The following GLIS3 variants were observed in gnomAD, a reference collection of about 807,000 sequenced individuals.
GLIS3 encodes zinc finger protein GLIS3.
In GLIS3, 53 loss-of-function variants were observed where a neutral mutation model predicts 78.6. That is an observed-to-expected ratio of 0.67 (90% confidence interval 0.54 to 0.85). GLIS3 has a LOEUF of 0.85. Among genes scored for constraint, GLIS3 ranks in the 40% least tolerant of loss-of-function variants. GLIS3 has a pLI of 0.00. For missense variants in GLIS3, 1,703 were observed against 1,231.1 expected (o/e 1.38, Z -5.74); for synonymous variants, 684 against 509.9 (o/e 1.34, Z -4.60).
At chr9:4,069,702 C>T (rs1363722616) in intron 4 of GLIS3, among the ~76,000 whole-genome samples, 8 of 152,046 alleles carry the variant, frequency 5.3e-5, no homozygotes, top group African/African-American at 1.4e-4. Flanking sequence ...GTCTACAGTG[C>T]ATACTTACAG....
chr9:3,950,121 C>T (rs1475150879), intron 4 of GLIS3, among the ~76,000 whole-genome samples: 4 of 152,196 alleles, frequency 2.6e-5, no homozygotes, highest in African/African-American at 9.7e-5. Context: ...CCCACATATC[C>T]ATCTCTAATC....
chr9:4,246,173 G>C (rs1258631398), intron 2 of GLIS3, among the ~76,000 whole-genome samples: 2 of 152,152 alleles, frequency 1.3e-5, no homozygotes, highest in Non-Finnish European at 2.9e-5. Flanking sequence ...AGCCTGGACA[G>C]CATGATGAAA....
At chr9:4,183,334 T>C (rs937951492) in intron 2 of GLIS3, among the ~76,000 whole-genome samples, 2 of 152,196 alleles carry the variant, frequency 1.3e-5, no homozygotes, top group African/African-American at 4.8e-5. Flanking sequence ...GCTCAAAGGT[T>C]CTGAAAGGAA....
At chr9:4,262,426 G>A (rs1322885345) in intron 2 of GLIS3, among the ~76,000 whole-genome samples, 3 of 152,042 alleles carry the variant, frequency 2.0e-5, no homozygotes, top group African/African-American at 7.2e-5. Flanking sequence ...GCGGGATGGG[G>A]GCCCAAGAGG....
At chr9:3,929,388 T>C (rs1213994487) in intron 6 of GLIS3, among the ~76,000 whole-genome samples, 1 of 152,192 alleles carries the variant, frequency 6.6e-6, no homozygotes, top group African/African-American at 2.4e-5. Context: ...AATGTTTAGC[T>C]GGGATTTCAG....
Position 3,825,934 on chromosome 9 carries a change from GC to G in GLIS3, c.*2337del, listed in dbSNP as rs2129890998. On this transcript the variant is annotated 3_prime_UTR_variant, in exon 11 of 11. Transcript: ENST00000381971. The stretch of plus-strand genomic sequence containing the variant: ...GGCTGCAGGTGCCTCTATTGCTTAC[GC>G]CCTCTTTAGAGTCCCTCTTGCCCCT... 6.6e-6 allele frequency: 1 copy of G among 152,298 alleles called. No homozygotes were observed. Among genetic ancestry groups the G allele is most frequent in the Non-Finnish European group, 1.5e-5 (1 of 68,038 alleles). The allele number at this position is 152,298 out of a possible 1,614,324, so 9.4% of individuals were successfully genotyped here.
At chr9:3,937,305 A>C in intron 4 of GLIS3, 116 bp from the exon 5 acceptor site, 1 of 1,024,990 alleles carries the variant, frequency 9.8e-7, no homozygotes, top group Non-Finnish European at 1.5e-6. Context: ...ATAAAATAAA[A>C]TCAAATCCAA....
At chr9:4,006,663 A>G (rs996641658) in intron 4 of GLIS3, among the ~76,000 whole-genome samples, 7 of 152,218 alleles carry the variant, frequency 4.6e-5, no homozygotes, top group African/African-American at 1.7e-4. Flanking sequence ...ACTGAGGTTT[A>G]GGGGTCTTAA....
chr9:4,068,549 T>A (rs149807529), intron 4 of GLIS3, among the ~76,000 whole-genome samples: 1 of 152,256 alleles, frequency 6.6e-6, no homozygotes, highest in Non-Finnish European at 1.5e-5. Context: ...TCTATTTTGT[T>A]TACAATGACC....
At chr9:3,855,515 G>C (rs1224285455) in intron 9 of GLIS3, 1 of 187,862 alleles carries the variant, frequency 5.3e-6, no homozygotes, top group Non-Finnish European at 1.1e-5. Context: ...AGAAAGACAG[G>C]CGATATAAAA....
At chr9:4,236,570 G>T (rs1039376306) in intron 2 of GLIS3, among the ~76,000 whole-genome samples, 3 of 151,910 alleles carry the variant, frequency 2.0e-5, no homozygotes, top group African/African-American at 7.3e-5. Context: ...AGAAAACCTG[G>T]GTGGAAAAAA....
chr9:3,939,607 A>C (rs566755364), intron 4 of GLIS3, among the ~76,000 whole-genome samples: 2 of 152,344 alleles, frequency 1.3e-5, no homozygotes, highest in East Asian at 3.9e-4. Context: ...TGAAAATGAC[A>C]ACAAAAAGAT....
At chr9:4,459,982 A>C in the GLIS3 span, among the ~76,000 whole-genome samples, 1 of 152,178 alleles carries the variant, frequency 6.6e-6, no homozygotes, top group Non-Finnish European at 1.5e-5. Flanking sequence ...CTGTTTCAGT[A>C]GAATAATAGA....
chr9:4,148,204 G>T (rs1733566222), intron 2 of GLIS3, among the ~76,000 whole-genome samples: 1 of 151,992 alleles, frequency 6.6e-6, no homozygotes, highest in African/African-American at 2.4e-5. Flanking sequence ...ATAGCTTCAG[G>T]AAAACTCTTA....
intron 2 of GLIS3, among the ~76,000 whole-genome samples, chr9:4,166,500 T>G (rs1230004854): frequency 1.3e-5 from 2 of 152,222 alleles, no homozygotes; most frequent in African/African-American, 2.4e-5. Flanking sequence ...TAACCATTCT[T>G]ACAGCAAAGG....
intron 5 of GLIS3, among the ~76,000 whole-genome samples, chr9:3,934,386 G>C (rs1825778953): frequency 6.6e-6 from 1 of 151,594 alleles, no homozygotes; most frequent in East Asian, 1.9e-4. Context: ...TACAATTTAG[G>C]TTGGTAATGT....
Position 4,118,926 on chromosome 9 carries a change from T to G in GLIS3, c.597-45A>C. On this transcript the variant is annotated intron_variant, in intron 3 of 10. Coordinates refer to ENST00000381971, the MANE Select transcript of GLIS3 (RefSeq NM_001042413.2). The surrounding 1 kb of genome is among the most constrained non-coding windows in gnomAD (Gnocchi z 4.7). ...GGAAGAAAAAAAAAAGATAAACATT[T>G]TAGCAGGATACGGATTGCTTAAGAG... 1 of 1,580,278 alleles carries G rather than the reference T, an allele frequency of 6.3e-7. No individual in the cohort carries two copies. Among genetic ancestry groups the G allele is most frequent in the African/African-American group, 1.3e-5 (1 of 74,628 alleles).
chr9:4,471,336 C>T, the GLIS3 span, among the ~76,000 whole-genome samples: 2 of 151,932 alleles, frequency 1.3e-5, no homozygotes, highest in African/African-American at 2.4e-5. Flanking sequence ...GGAGGCATCA[C>T]GTTATGTAAA....
chr9:4,328,318 C>T (rs1587388417), intron 2 of GLIS3, among the ~76,000 whole-genome samples: 1 of 152,154 alleles, frequency 6.6e-6, no homozygotes, highest in African/African-American at 2.4e-5. Flanking sequence ...CACAGCTCCC[C>T]CTGAAGTTCC....
Sources: gnomAD v4.1 joint callset for allele counts (sites outside exome capture counted in the v4.1 genomes callset) on GRCh38, gnomAD v4.1.1 for gene constraint, Gnocchi (gnomAD v3.1) non-coding constraint, MANE v1.5 for transcripts, NCBI Gene and HGNC (gene_info 2026-07-23, HGNC 2026-07-21) for gene names.